AHCYL1: variants seen among roughly 807,000 people sequenced by gnomAD.
AHCYL1 encodes the protein adenosylhomocysteinase like 1.
A neutral mutation model predicts 79.3 loss-of-function variants in AHCYL1; 20 were observed. That is an observed-to-expected ratio of 0.25 (90% CI 0.18 to 0.37). The LOEUF is 0.37. Ranked by LOEUF, AHCYL1 falls within the 10% of genes least tolerant of loss-of-function variation. The pLI is 1.00. For synonymous variants in AHCYL1, 223 were observed against 242.2 expected (o/e 0.92, Z 0.74); for missense variants, 330 against 673.6 (o/e 0.49, Z 5.65).
In AHCYL1 at chr1:110,023,503, C is replaced by T. The variant is rs1199006701; in HGVS notation, c.*1823C>T. 1 of 152,424 alleles carries T rather than the reference C, an allele frequency of 6.6e-6. No homozygotes were observed. The highest frequency in any genetic ancestry group is 1.5e-5 in the Non-Finnish European group (1 of 68,034). 9.4% of individuals were successfully genotyped at this position (152,424 alleles called of 1,614,324 possible). A position where few individuals can be genotyped will look rare whatever the true frequency, so the allele number is the denominator to read the frequency against. ...ACATTCACCTGCCCTCTGACCTGCCCCTTGATCCCATATCTATTACCGTGT... is the reference window on the plus strand; with the variant it reads ...ACATTCACCTGCCCTCTGACCTGCCTCTTGATCCCATATCTATTACCGTGT... On this transcript the variant is annotated 3_prime_UTR_variant, in exon 17 of 17. Coordinates refer to ENST00000369799, the MANE Select transcript of AHCYL1 (RefSeq NM_006621.7).
chr1:110,015,859 T>C (rs902734794), intron 7 of AHCYL1, among the ~76,000 whole-genome samples: 3 of 152,206 alleles, frequency 2.0e-5, no homozygotes, highest in African/African-American at 7.2e-5. Context: ...AACAATCCTA[T>C]TGTAAAACTA....
chr1:109,987,066 C>T (rs1269876602), intron 1 of AHCYL1, among the ~76,000 whole-genome samples: 1 of 152,202 alleles, frequency 6.6e-6, no homozygotes. Context: ...AGTAAATGTG[C>T]CCCACCGTGT....
chr1:110,014,956 A>C (rs965108056), intron 6 of AHCYL1, 99 bp downstream of exon 6: 8 of 1,119,698 alleles, frequency 7.1e-6, no homozygotes, highest in Middle Eastern at 2.1e-4. Flanking sequence ...GTTTGGTCTT[A>C]TGCACTGACT....
In AHCYL1 at chr1:110,019,647, A is replaced by G. The variant is rs1312489455; in HGVS notation, c.1465+21A>G. ...AATGGGTGAGTGAAAAACAGTGGAA[A>G]TCTATGCAGACAGCTGCATAGTTTG... On this transcript the variant is annotated intron_variant, in intron 15 of 16. Coordinates refer to ENST00000369799, the MANE Select transcript of AHCYL1 (RefSeq NM_006621.7). 4.4e-6 allele frequency: 7 copies of G among 1,599,202 alleles called. No homozygotes were observed. The African/African-American group carries it at 8.1e-5, about 18-fold the overall frequency.
chr1:109,992,082 G>C (rs891569883), intron 1 of AHCYL1, among the ~76,000 whole-genome samples: 2 of 140,100 alleles, frequency 1.4e-5, no homozygotes, highest in Admixed American at 1.4e-4. Context: ...ATCTGGGGGC[G>C]GGGGGAAGAA....
chr1:109,992,063 G>A (rs564958201), intron 1 of AHCYL1, among the ~76,000 whole-genome samples: 3 of 151,218 alleles, frequency 2.0e-5, no homozygotes, highest in Admixed American at 2.0e-4. Flanking sequence ...TTCCTTTGTG[G>A]TTCCAGAAAT....
Position 110,021,836 on chromosome 1 carries a change from C to G in AHCYL1, c.*156C>G. On this transcript the variant is annotated 3_prime_UTR_variant, in exon 17 of 17. Coordinates refer to ENST00000369799, the MANE Select transcript of AHCYL1 (RefSeq NM_006621.7). The stretch of plus-strand genomic sequence containing the variant: ...ATCTCATTATCCAAGTTCTGCAGAC[C>G]ACACAGGAACTTGCTTCATGGCTCT... The G allele has an allele frequency of 1.4e-6, 1 of 707,840 alleles. No homozygotes were observed. The highest frequency in any genetic ancestry group is 2.2e-6 in the Non-Finnish European group (1 of 447,548). The allele number at this position is 707,840 out of a possible 1,614,324, so 43.8% of individuals were successfully genotyped here. A position where few individuals can be genotyped will look rare whatever the true frequency, so the allele number is the denominator to read the frequency against.
At position 109,985,784 on chromosome 1, in the gene AHCYL1, CTG is replaced by C. The variant is rs1273633446; in HGVS notation, c.120+614_120+615del. On this transcript the variant is annotated intron_variant, in intron 1 of 16. Coordinates refer to ENST00000369799, the MANE Select transcript of AHCYL1 (RefSeq NM_006621.7). ...ATTTGGAGGTTGGTGACAGCAGACA[CTG>C]TCATGGATACAGGTGGATCCTAGAG... Among the ~76,000 whole-genome samples, 8 of 152,270 alleles carry C rather than the reference CTG, an allele frequency of 5.3e-5. No homozygotes were observed. The East Asian group carries it at 7.7e-4, about 15-fold the overall frequency.
At chr1:109,998,416 T>A (rs1276751699) in intron 1 of AHCYL1, among the ~76,000 whole-genome samples, 1 of 152,050 alleles carries the variant, frequency 6.6e-6, no homozygotes, top group African/African-American at 2.4e-5. Context: ...AGCCCAGGAG[T>A]TTGAGGTCAG....
rs79550531 is a variant in AHCYL1 at position 110,009,320 on chromosome 1, T to C, written c.232+175T>C. Among the ~76,000 whole-genome samples, 1,277 of 152,342 alleles carry C rather than the reference T, an allele frequency of 8.4e-3. 15 individuals are homozygous for C. Among genetic ancestry groups the C allele is most frequent in the African/African-American group, 0.029 (1,216 of 41,580 alleles). ...CAGCCAAGCTAGTAGCTGGGGAAGC[T>C]TTTGTCGACTCGAGACTTTCTTCCC... On this transcript the variant is annotated intron_variant, in intron 2 of 16. Coordinates refer to ENST00000369799, the MANE Select transcript of AHCYL1 (RefSeq NM_006621.7).
intron 1 of AHCYL1, among the ~76,000 whole-genome samples, chr1:109,987,844 A>G (rs1473539598): frequency 6.6e-6 from 1 of 152,254 alleles, no homozygotes; most frequent in Non-Finnish European, 1.5e-5. Flanking sequence ...GAGCAAATTA[A>G]TTAGCTTTTG....
intron 1 of AHCYL1, among the ~76,000 whole-genome samples, chr1:109,999,117 C>T (rs1650173092): frequency 4.0e-5 from 6 of 151,058 alleles, no homozygotes; most frequent in Admixed American, 4.0e-4. Flanking sequence ...GATCCTGCCA[C>T]TTTACTTTAG....
At chr1:109,994,146 G>A (rs1287239519) in intron 1 of AHCYL1, among the ~76,000 whole-genome samples, 1 of 152,174 alleles carries the variant, frequency 6.6e-6, no homozygotes, top group Non-Finnish European at 1.5e-5. Context: ...GCTTATCCTA[G>A]CCAGAAGCTC....
Position 110,021,566 on chromosome 1 carries a change from C to G in AHCYL1, c.1587-108C>G, listed in dbSNP as rs560234110. The G allele has an allele frequency of 7.6e-4, 806 of 1,058,214 alleles. 9 individuals carry two copies. The South Asian group carries it at 0.011, about 14-fold the overall frequency. 65.6% of individuals were successfully genotyped at this position (1,058,214 alleles called of 1,614,324 possible). ...CCCTGGGGAATGACTGCAGGGATCC[C>G]ACCCAGGCTGGGGAGGGGCCCTGGA... On this transcript the variant is annotated intron_variant, in intron 16 of 16. Coordinates refer to ENST00000369799, the MANE Select transcript of AHCYL1 (RefSeq NM_006621.7).
intron 1 of AHCYL1, among the ~76,000 whole-genome samples, chr1:109,992,582 T>C (rs1382145909): frequency 6.6e-6 from 1 of 152,192 alleles, no homozygotes; most frequent in African/African-American, 2.4e-5. Flanking sequence ...ATTTTCAAAA[T>C]GCACATCCCC....
intron 6 of AHCYL1, 152 bp from the exon 7 acceptor site, chr1:110,015,273 G>C: frequency 3.0e-6 from 2 of 662,628 alleles, no homozygotes; most frequent in South Asian, 3.8e-5. Context: ...AAATTTGACT[G>C]TATTTCCACT....
intron 1 of AHCYL1, among the ~76,000 whole-genome samples, chr1:109,993,258 ATAAT>A (rs1649860956): frequency 6.6e-6 from 1 of 152,216 alleles, no homozygotes; most frequent in Non-Finnish European, 1.5e-5. Flanking sequence ...ACTAAACAAA[ATAAT>A]TTGCTTCTGT....
intron 1 of AHCYL1, among the ~76,000 whole-genome samples, chr1:110,008,329 A>G (rs1440147100): frequency 6.6e-6 from 1 of 152,208 alleles, no homozygotes; most frequent in East Asian, 1.9e-4. Flanking sequence ...TTTTTAATAC[A>G]AAGTTTACCA....
chr1:110,018,721 G>T, intron 13 of AHCYL1, 71 bp downstream of exon 13: 1 of 1,296,564 alleles, frequency 7.7e-7, no homozygotes, highest in East Asian at 2.4e-5. Context: ...GGGAGGGGAG[G>T]GAAACAAATA....
Sources: allele counts gnomAD v4.1 joint callset (sites outside exome capture counted in the v4.1 genomes callset), GRCh38; gene constraint gnomAD v4.1.1; transcripts MANE v1.5; gene names NCBI Gene and HGNC (gene_info 2026-07-23, HGNC 2026-07-21).